Variants in PIK3CB observed in about 807,000 individuals in gnomAD.
PIK3CB encodes phosphatidylinositol 4,5-bisphosphate 3-kinase catalytic subunit beta isoform.
PIK3CB carries 39 observed loss-of-function variants against 136.8 expected under a neutral mutation model. That is an observed-to-expected ratio of 0.29 (90% CI 0.22 to 0.37). The LOEUF is 0.37. PIK3CB is among the 10% of genes least tolerant of loss of function. The pLI is 1.00. For missense variants in PIK3CB, 868 were observed against 1,275.4 expected (o/e 0.68, Z 4.87); for synonymous variants, 428 against 436.6 (o/e 0.98, Z 0.25).
At chr3:138,781,211 G>A (rs1225717728) in intron 2 of PIK3CB, among the ~76,000 whole-genome samples, 6 of 151,618 alleles carry the variant, frequency 4.0e-5, no homozygotes, top group South Asian at 2.1e-4. Flanking sequence ...AGAATTGCTC[G>A]AGCCCAGTAG....
At chr3:138,811,924 AC>A (rs1933083562) in intron 1 of PIK3CB, among the ~76,000 whole-genome samples, 1 of 152,096 alleles carries the variant, frequency 6.6e-6, no homozygotes, top group South Asian at 2.1e-4. Flanking sequence ...CCTTGTCTCT[AC>A]AAAAATTTTA....
chr3:138,812,663 G>C (rs1388447761), intron 1 of PIK3CB, among the ~76,000 whole-genome samples: 2 of 152,062 alleles, frequency 1.3e-5, no homozygotes, highest in African/African-American at 4.8e-5. Flanking sequence ...AAGTAGCTGG[G>C]ATTATAGTCA....
chr3:138,712,929 GC>G (rs2044535015), intron 9 of PIK3CB, among the ~76,000 whole-genome samples: 1 of 152,038 alleles, frequency 6.6e-6, no homozygotes, highest in African/African-American at 2.4e-5. Context: ...TGTTTTAAGA[GC>G]TTTCAACCTA....
chr3:138,759,334 T>C lies in PIK3CB; in HGVS notation c.10A>G (p.Ser4Gly). 1 of 1,607,586 alleles carries C rather than the reference T, an allele frequency of 6.2e-7. No homozygotes were observed. Among genetic ancestry groups the C allele is most frequent in the Non-Finnish European group, 8.5e-7 (1 of 1,175,374 alleles). MCF[S>G]FIMPPAMADI... is the part of the protein sequence containing the mutation. ...GCCATAGCAGGAGGCATTATGAAAC[T>C]GAAGCACATTCATAACCACGGGGCC... Residue 4 changes from serine to glycine, a missense_variant, in exon 3 of 24, where the codon AGT becomes GGT. By Grantham distance (56) the Ser-to-Gly change is moderately conservative. Coordinates refer to ENST00000674063, the MANE Select transcript of PIK3CB (RefSeq NM_006219.3).
chr3:138,720,231 G>C lies in PIK3CB; in HGVS notation c.1051-5512C>G, dbSNP rs1429402993. On this transcript the variant is annotated intron_variant, in intron 8 of 23. Coordinates refer to ENST00000674063, the MANE Select transcript of PIK3CB (RefSeq NM_006219.3). ...CCACACAATCTCACGATGCCACCCT[G>C]AATTTGACTTCACCACACCCTAGCA... Among the ~76,000 whole-genome samples the C allele has an allele frequency of 7.2e-5, 11 of 152,076 alleles. 1 individual carries two copies. The highest frequency in any genetic ancestry group is 7.2e-4 in the Admixed American group (11 of 15,256).
At chr3:138,764,676 A>G (rs1429541563) in intron 2 of PIK3CB, among the ~76,000 whole-genome samples, 1 of 152,144 alleles carries the variant, frequency 6.6e-6, no homozygotes, top group Non-Finnish European at 1.5e-5. Flanking sequence ...AACACACAGG[A>G]TCCTTAGTCC....
chr3:138,670,851 C>T (rs1028780395), intron 19 of PIK3CB, among the ~76,000 whole-genome samples: 2 of 152,158 alleles, frequency 1.3e-5, no homozygotes, highest in Non-Finnish European at 2.9e-5. Flanking sequence ...ATTATGATCT[C>T]TTTTCTTTAT....
At chr3:138,807,400 C>T (rs1220551028) in intron 1 of PIK3CB, among the ~76,000 whole-genome samples, 2 of 152,072 alleles carry the variant, frequency 1.3e-5, no homozygotes, top group Non-Finnish European at 2.9e-5. Context: ...TGCCACTGCA[C>T]TCCAGCATGG....
At chr3:138,785,094 G>A (rs961207810) in intron 2 of PIK3CB, among the ~76,000 whole-genome samples, 3 of 152,070 alleles carry the variant, frequency 2.0e-5, no homozygotes, top group Admixed American at 2.0e-4. Flanking sequence ...CCCTGTCCGG[G>A]AGGTGGGGGG....
At chr3:138,801,370 C>A (rs1431952204) in intron 1 of PIK3CB, among the ~76,000 whole-genome samples, 1 of 152,114 alleles carries the variant, frequency 6.6e-6, no homozygotes, top group African/African-American at 2.4e-5. Context: ...ATTATCAATG[C>A]ATTAAATGGA....
chr3:138,656,021 A>G (rs1001855675), intron 23 of PIK3CB, 121 bp downstream of exon 23: 1 of 995,326 alleles, frequency 1.0e-6, no homozygotes, highest in Non-Finnish European at 1.5e-6. Context: ...CCTCCTGGCT[A>G]AGAACCATCT....
intron 4 of PIK3CB, among the ~76,000 whole-genome samples, chr3:138,748,156 T>TACACACACACAC (rs3071146): frequency 1.2e-4 from 17 of 142,992 alleles, no homozygotes; most frequent in Middle Eastern, 3.5e-3. Context: ...TTAGAAATCA[T>TACACACACACAC]ACACACACAC....
chr3:138,695,741 T>G, intron 13 of PIK3CB, among the ~76,000 whole-genome samples: 1 of 152,026 alleles, frequency 6.6e-6, no homozygotes, highest in Middle Eastern at 3.4e-3. Context: ...TAGCATATAT[T>G]TATATAAATT....
intron 1 of PIK3CB, among the ~76,000 whole-genome samples, chr3:138,814,656 T>TCCACTCAAC (rs1933215945): frequency 6.6e-6 from 1 of 152,048 alleles, no homozygotes; most frequent in Non-Finnish European, 1.5e-5. Flanking sequence ...TTATCCTTTG[T>TCCACTCAAC]CTCTGTCTCC....
rs2044964080 is a variant in PIK3CB, at chr3:138,731,177, G to A, written c.1050+2184C>T. 2.0e-5 allele frequency among the ~76,000 whole-genome samples: 3 copies of A among 152,222 alleles called. No individual in the cohort carries two copies. In the South Asian group the frequency reaches 6.2e-4, roughly 32 times the overall value. On this transcript the variant is annotated intron_variant, in intron 8 of 23. Transcript: ENST00000674063. ...AACCTGGAGGACATTCACAAAGCTT[G>A]TTAACTTTGAATCCCTTATGATGGT...
intron 1 of PIK3CB, among the ~76,000 whole-genome samples, chr3:138,822,604 G>A (rs1204849133): frequency 6.6e-6 from 1 of 151,138 alleles, no homozygotes; most frequent in Non-Finnish European, 1.5e-5. Flanking sequence ...CACTTTGGGA[G>A]GCTGAGGTGG....
chr3:138,831,794 G>A (rs912195907), intron 1 of PIK3CB, among the ~76,000 whole-genome samples: 3 of 152,030 alleles, frequency 2.0e-5, no homozygotes, highest in African/African-American at 7.2e-5. Flanking sequence ...GCATGGTGGT[G>A]TGCACCTGTA....
At position 138,812,738 on chromosome 3, in the gene PIK3CB, G is replaced by A. The variant is rs1286694843; in HGVS notation, c.-121-16171C>T. Among the ~76,000 whole-genome samples the A allele has an allele frequency of 4.0e-5, 6 of 151,290 alleles. No homozygotes were observed. The East Asian group carries it at 5.8e-4, about 15-fold the overall frequency. ...GAGATGGGGTTTCACCATGTTGGCC[G>A]GGCTGGTCTCGAACTCCTTACATCA... On this transcript the variant is annotated intron_variant, in intron 1 of 23. Transcript: ENST00000674063.
In PIK3CB at chr3:138,688,997, G is replaced by C. The variant is rs758016699; in HGVS notation, c.2037-23C>G. 9 of 1,434,892 alleles carry C rather than the reference G, an allele frequency of 6.3e-6. 1 individual carries two copies. Among genetic ancestry groups the C allele is most frequent in the South Asian group, 5.8e-5 (5 of 86,266 alleles). The allele number at this position is 1,434,892 out of a possible 1,614,324, so 88.9% of individuals were successfully genotyped here. A position where few individuals can be genotyped will look rare whatever the true frequency, so the allele number is the denominator to read the frequency against. On this transcript the variant is annotated intron_variant, in intron 15 of 23. Transcript: ENST00000674063. ...GACCTGCAGAAAGTTAATGATATCT[G>C]AACAGTTTGTTTATCAAACACTTCA...
Sources: allele counts gnomAD v4.1 joint callset (sites outside exome capture counted in the v4.1 genomes callset), GRCh38; gene constraint gnomAD v4.1.1; transcripts MANE v1.5; gene names NCBI Gene and HGNC (gene_info 2026-07-23, HGNC 2026-07-21).